The following CWC25 variants were observed in gnomAD, a reference collection of about 807,000 sequenced individuals.
The protein encoded by CWC25 is pre-mRNA-splicing factor CWC25 homolog.
In CWC25, 31 loss-of-function variants were observed where a neutral mutation model predicts 54.6. That is an observed-to-expected ratio of 0.57 (90% CI 0.43 to 0.77). CWC25 has a LOEUF of 0.77. CWC25 is among the 30% of genes least tolerant of loss of function. CWC25 has a pLI of 0.00. For synonymous variants in CWC25, 151 were observed against 187.0 expected, an observed-to-expected ratio of 0.81 and a Z score of 1.57; for missense variants, 453 against 529.3, an observed-to-expected ratio of 0.86 and a Z score of 1.41.
intron 5 of CWC25, 176 bp from the exon 6 acceptor site, chr17:38,809,941 A>G (rs2143563501): frequency 1.7e-6 from 1 of 578,762 alleles, no homozygotes; most frequent in Non-Finnish European, 3.0e-6. Context: ...CATCAGCACA[A>G]TCAAATTTTC....
At chr17:38,820,339 T>C (rs1028246777) in intron 2 of CWC25, among the ~76,000 whole-genome samples, 3 of 152,202 alleles carry the variant, frequency 2.0e-5, no homozygotes, top group South Asian at 2.1e-4. Context: ...TTTTATGAGA[T>C]GGATGGGGTA....
intron 1 of CWC25, among the ~76,000 whole-genome samples, chr17:38,824,627 G>T (rs1399069576): frequency 6.6e-6 from 1 of 151,710 alleles, no homozygotes; most frequent in African/African-American, 2.4e-5. Context: ...GAAAGGTTGC[G>T]GTCAGCCGAG....
Position 38,821,068 on chromosome 17 carries a change from C to T in CWC25, c.24G>A (p.Leu8=), listed in dbSNP as rs771326872. The T allele has an allele frequency of 6.2e-7, 1 of 1,611,130 alleles. No individual in the cohort carries two copies. The highest frequency in any genetic ancestry group is 2.2e-5 in the East Asian group (1 of 44,878). ...GGGTCTGCGGGTGCCAGCTCTTCTT[C>T]AGATTCTGTGGTAAATAAAAAGAAG... MGGGDLN[L]KKSWHPQTLR... The change falls in exon 2 of 10, where the codon CTG becomes CTA. Residue 8 remains leucine, a synonymous_variant. Coordinates refer to ENST00000614790, the MANE Select transcript of CWC25 (RefSeq NM_017748.5).
At chr17:38,809,949 T>C (rs905211709) in intron 5 of CWC25, 184 bp from the exon 6 acceptor site, 6 of 572,460 alleles carry the variant, frequency 1.0e-5, no homozygotes, top group Non-Finnish European at 1.8e-5. Flanking sequence ...CAATCAAATT[T>C]TCCTGTGAAA....
At chr17:38,813,887 A>G (rs1405587951) in intron 3 of CWC25, among the ~76,000 whole-genome samples, 1 of 151,402 alleles carries the variant, frequency 6.6e-6, no homozygotes, top group Non-Finnish European at 1.5e-5. Flanking sequence ...TTCGAGACGG[A>G]GTCTCGCTCT....
At position 38,801,387 on chromosome 17, in the gene CWC25, G is replaced by C. The variant is rs374750460; in HGVS notation, c.*705C>G. The C allele has an allele frequency of 2.6e-5, 4 of 152,224 alleles. No homozygotes were observed. The South Asian group carries it at 8.3e-4, about 32-fold the overall frequency. 9.4% of individuals were successfully genotyped at this position (152,224 alleles called of 1,614,324 possible). The stretch of plus-strand genomic sequence containing the variant: ...ACCAGCCAGATTCAGAGAGAAAAAC[G>C]AGCTGGCCTGCCTTATTGTATTACT... On this transcript the variant is annotated 3_prime_UTR_variant, in exon 10 of 10. Coordinates refer to ENST00000614790, the MANE Select transcript of CWC25 (RefSeq NM_017748.5).
chr17:38,803,545 G>A (rs1422760096), intron 8 of CWC25, among the ~76,000 whole-genome samples: 1 of 152,056 alleles, frequency 6.6e-6, no homozygotes, highest in African/African-American at 2.4e-5. Flanking sequence ...CAGGAGAATC[G>A]CTTGAACCGA....
At chr17:38,802,958 C>T in intron 8 of CWC25, 97 bp from the exon 9 acceptor site, 4 of 1,396,734 alleles carry the variant, frequency 2.9e-6, no homozygotes, top group Non-Finnish European at 4.0e-6. Flanking sequence ...CCAAGCTCTC[C>T]AGTTCACTGC....
Position 38,802,094 on chromosome 17 carries a change from A to G in CWC25, c.1276T>C (p.Ter426ArgextTer20). 6.2e-7 allele frequency: 1 copy of G among 1,601,004 alleles called. No homozygotes were observed. The highest frequency in any genetic ancestry group is 1.1e-5 in the South Asian group (1 of 90,652). The change falls in exon 10 of 10, where the codon TGA (stop) becomes CGA (arginine). Residue 426 changes from the stop codon to arginine, a stop_lost. Transcript: ENST00000614790. Reference sequence around the variant, plus strand: ...ACCAATAAGAGAGGGGACAGTTTTCATCTTTTCATAAAGTTCTTCTCCAGA... The same window carrying G: ...ACCAATAAGAGAGGGGACAGTTTTCGTCTTTTCATAAAGTTCTTCTCCAGA... The part of the protein sequence containing the change: ...VALEKNFMKR[*>R]
chr17:38,823,846 AG>A (rs1244530553), intron 1 of CWC25, among the ~76,000 whole-genome samples: 1 of 152,164 alleles, frequency 6.6e-6, no homozygotes, highest in Non-Finnish European at 1.5e-5. Flanking sequence ...GACGGGTGTT[AG>A]TGGATAGCTC....
Position 38,801,731 on chromosome 17 carries a change from G to A in CWC25, c.*361C>T, listed in dbSNP as rs189366523. ...GGGTGACACCAGAGAGGTTTCTGAA[G>A]GGTCTGGTGTACGCTGAGGCAGTGA... On this transcript the variant is annotated 3_prime_UTR_variant, in exon 10 of 10. Transcript: ENST00000614790. The A allele has an allele frequency of 4.0e-4, 69 of 172,598 alleles. No homozygotes were observed. Among genetic ancestry groups the A allele is most frequent in the African/African-American group, 1.4e-3 (60 of 42,386 alleles). The allele number at this position is 172,598 out of a possible 1,614,324, so 10.7% of individuals were successfully genotyped here. A position where few individuals can be genotyped will look rare whatever the true frequency, so the allele number is the denominator to read the frequency against.
chr17:38,820,239 GTCTA>G (rs758324275), intron 2 of CWC25, among the ~76,000 whole-genome samples: 13 of 152,142 alleles, frequency 8.5e-5, no homozygotes, highest in African/African-American at 2.2e-4. Flanking sequence ...CCCAGTTTTA[GTCTA>G]TCTGTTATTT....
chr17:38,806,789 G>A lies in CWC25; in HGVS notation c.878C>T (p.Ser293Leu), dbSNP rs1567670311. ...DRRSRSLGRR[S>L]RSPRPSKLHN... ...CAGTTTGCTGGGTCTTGGGGACCGT[G>A]ACCTTCTGCCCAGGGATCGAGACCT... Residue 293 changes from serine (S) to leucine (L), a missense_variant, in exon 7 of 10, where the codon TCA becomes TTA. Physicochemically the swap from Ser to Leu is moderately radical, Grantham distance 145. Transcript: ENST00000614790. 4 of 1,603,894 alleles carry A rather than the reference G, an allele frequency of 2.5e-6. No individual in the cohort carries two copies. The highest frequency in any genetic ancestry group is 3.4e-6 in the Non-Finnish European group (4 of 1,175,882).
chr17:38,823,450 C>G (rs891914637), intron 1 of CWC25, among the ~76,000 whole-genome samples: 2 of 151,324 alleles, frequency 1.3e-5, no homozygotes, highest in Admixed American at 6.6e-5. Flanking sequence ...AGCCACTGCA[C>G]CTGGCTGAGA....
chr17:38,824,175 C>T (rs867903694), intron 1 of CWC25, among the ~76,000 whole-genome samples: 1 of 152,206 alleles, frequency 6.6e-6, no homozygotes, highest in Non-Finnish European at 1.5e-5. Context: ...CGGAGGCTAG[C>T]ATTTTCCCAA....
chr17:38,805,091 G>A (rs1226550839), intron 8 of CWC25, among the ~76,000 whole-genome samples: 1 of 142,864 alleles, frequency 7.0e-6, no homozygotes, highest in Non-Finnish European at 1.5e-5. Flanking sequence ...TGGGCAACAA[G>A]AATGAAACTC....
At position 38,808,381 on chromosome 17, in the gene CWC25, CA is replaced by C. The variant is rs1204355591; in HGVS notation, c.690+1320del. On this transcript the variant is annotated intron_variant, in intron 6 of 9. Coordinates refer to ENST00000614790, the MANE Select transcript of CWC25 (RefSeq NM_017748.5). ...TGGGCGACAGAGCGAGACTCCCTCTCAAAAAAAAAAAAGAAAGAAAAGAATA... is the reference window on the plus strand; with the variant it reads ...TGGGCGACAGAGCGAGACTCCCTCTCAAAAAAAAAAAGAAAGAAAAGAATA... Among the ~76,000 whole-genome samples the C allele has an allele frequency of 1.2e-3, 131 of 107,116 alleles. 1 individual carries two copies. Among genetic ancestry groups the C allele is most frequent in the Admixed American group, 1.4e-3 (13 of 9,572 alleles). 70.3% of individuals were successfully genotyped at this position (107,116 alleles called of 152,430 possible).
rs745696006 is a variant in CWC25 at position 38,806,399 on chromosome 17, T to A, written c.903-4A>T. 10 of 1,612,528 alleles carry A rather than the reference T, an allele frequency of 6.2e-6. No individual in the cohort carries two copies. In the East Asian group the frequency reaches 2.0e-4, roughly 32 times the overall value. ...CCTGTTCACCTTAGAGTTGTGCCTG[T>A]AGCAGACACAGAAGGCAAAGAGGAA... On this transcript the variant is annotated splice_polypyrimidine_tract_variant and splice_region_variant and intron_variant, in intron 7 of 9. Transcript: ENST00000614790.
chr17:38,818,910 A>G (rs1043771589), intron 2 of CWC25, among the ~76,000 whole-genome samples: 1 of 152,176 alleles, frequency 6.6e-6, no homozygotes, highest in Admixed American at 6.6e-5. Context: ...AATTGAGCAC[A>G]TGATGTGTAA....
Sources: gnomAD v4.1 joint callset for allele counts (sites outside exome capture counted in the v4.1 genomes callset) on GRCh38, gnomAD v4.1.1 for gene constraint, MANE v1.5 for transcripts, NCBI Gene and HGNC (gene_info 2026-07-23, HGNC 2026-07-21) for gene names.